CFH: variants seen among roughly 807,000 people sequenced by gnomAD.
The protein encoded by CFH is complement factor H.
Under a neutral mutation model 147.3 loss-of-function variants are expected in CFH, and 53 were observed. That is an observed-to-expected ratio of 0.36 (90% CI 0.29 to 0.45). The LOEUF (loss-of-function observed/expected upper bound fraction) is 0.45, where lower values mean the gene tolerates loss of function less well. Among genes scored for constraint, CFH ranks in the 20% least tolerant of loss-of-function variants. CFH has a pLI of 1.00. For missense variants in CFH, 1,380 were observed against 1,498.0 expected, an observed-to-expected ratio of 0.92 and a Z score of 1.30; for synonymous variants, 536 against 489.4, an observed-to-expected ratio of 1.10 and a Z score of -1.26.
chr1:196,734,908 C>T lies in CFH; in HGVS notation c.2414-1916C>T, dbSNP rs563215494. ...TCTCCCTTCTCTGTGTTTCTTTGTC[C>T]GTTTTCTCTTCTTCACTGATTTTAC... On this transcript the variant is annotated intron_variant, in intron 15 of 21. Transcript: ENST00000367429. Among the ~76,000 whole-genome samples the T allele has an allele frequency of 3.3e-5, 5 of 151,848 alleles. No individual in the cohort carries two copies. In the South Asian group the frequency reaches 1.0e-3, roughly 32 times the overall value.
chr1:196,701,311 T>G (rs765653870), intron 9 of CFH: 6 of 1,613,724 alleles, frequency 3.7e-6, no homozygotes, highest in Non-Finnish European at 5.1e-6. Flanking sequence ...TCTTCAATCT[T>G]TCCCAGGCTT....
At chr1:196,670,822 T>A (rs1667251583) in intron 1 of CFH, among the ~76,000 whole-genome samples, 1 of 152,180 alleles carries the variant, frequency 6.6e-6, no homozygotes, top group Admixed American at 6.5e-5. Context: ...AAATTTTGAT[T>A]TTGTGAGCTG....
intron 1 of CFH, among the ~76,000 whole-genome samples, chr1:196,669,724 C>T (rs1310473522): frequency 6.6e-6 from 1 of 152,204 alleles, no homozygotes; most frequent in Non-Finnish European, 1.5e-5. Flanking sequence ...AGAACCTCTA[C>T]TAGGGCAATG....
At chr1:196,666,804 C>CAAAA (rs10616982) in intron 1 of CFH, among the ~76,000 whole-genome samples, 2 of 84,062 alleles carry the variant, frequency 2.4e-5, no homozygotes, top group African/African-American at 4.6e-5. Context: ...GACTCCGTCT[C>CAAAA]AAAAAAAAAA....
At chr1:196,680,350 G>A (rs1038090784) in intron 6 of CFH, among the ~76,000 whole-genome samples, 3 of 150,554 alleles carry the variant, frequency 2.0e-5, no homozygotes, top group Non-Finnish European at 4.4e-5. Context: ...TCATTATGGA[G>A]GGATGTTACA....
intron 11 of CFH, among the ~76,000 whole-genome samples, chr1:196,722,220 A>T (rs561079019): frequency 6.6e-6 from 1 of 152,062 alleles, no homozygotes; most frequent in Non-Finnish European, 1.5e-5. Context: ...TCCCTGGATC[A>T]TTTCTTGTGG....
intron 9 of CFH, among the ~76,000 whole-genome samples, chr1:196,695,802 C>T (rs1434514730): frequency 6.6e-6 from 1 of 151,928 alleles, no homozygotes; most frequent in Non-Finnish European, 1.5e-5. Context: ...ATTTGGCTTT[C>T]TGTCTATTAC....
intron 6 of CFH, among the ~76,000 whole-genome samples, chr1:196,684,117 G>C (rs1286998138): frequency 6.6e-6 from 1 of 151,888 alleles, no homozygotes; most frequent in Non-Finnish European, 1.5e-5. Flanking sequence ...GAGTGAGAAG[G>C]TGCCTTATAG....
At chr1:196,741,779 G>T in intron 18 of CFH, 96 bp from the exon 19 acceptor site, 1 of 1,143,598 alleles carries the variant, frequency 8.7e-7, no homozygotes. Context: ...AGTATTCATT[G>T]ATTCTATATA....
At chr1:196,686,042 G>C (rs1419760985) in intron 7 of CFH, among the ~76,000 whole-genome samples, 1 of 152,052 alleles carries the variant, frequency 6.6e-6, no homozygotes, top group Non-Finnish European at 1.5e-5. Context: ...TACCATGGCA[G>C]AGCAGGAGAG....
Position 196,741,892 on chromosome 1 carries a change from T to C in CFH, c.2974T>C (p.Leu992=). 6.2e-7 allele frequency: 1 copy of C among 1,614,146 alleles called. No homozygotes were observed. Among genetic ancestry groups the C allele is most frequent in the Non-Finnish European group, 8.5e-7 (1 of 1,180,010 alleles). The change falls in exon 19 of 22, where the codon TTA becomes CTA. Residue 992 remains leucine (L), a synonymous_variant. Coordinates refer to ENST00000367429, the MANE Select transcript of CFH (RefSeq NM_000186.4). ...TATTTCAGAAACAGATTGTCTCAGTTTACCTAGCTTTGAAAATGCCATACC... is the reference window on the plus strand; with the variant it reads ...TATTTCAGAAACAGATTGTCTCAGTCTACCTAGCTTTGAAAATGCCATACC... ...PSCIKTDCLS[L]PSFENAIPMG... is the part of the protein sequence containing the mutation.
chr1:196,668,961 C>A (rs566165212), intron 1 of CFH, among the ~76,000 whole-genome samples: 8 of 152,110 alleles, frequency 5.3e-5, no homozygotes, highest in Non-Finnish European at 1.0e-4. Flanking sequence ...CAAAAGAAGA[C>A]AGGAAGATGT....
chr1:196,693,804 C>T (rs961236643), intron 9 of CFH, among the ~76,000 whole-genome samples: 2 of 152,068 alleles, frequency 1.3e-5, no homozygotes, highest in Admixed American at 6.6e-5. Flanking sequence ...GTATCACGGT[C>T]TGTTAATCCA....
intron 8 of CFH, 121 bp from the exon 9 acceptor site, chr1:196,689,942 A>T: frequency 8.5e-7 from 1 of 1,173,182 alleles, no homozygotes; most frequent in Non-Finnish European, 1.2e-6. Context: ...TCAGTTATAC[A>T]TTATTTTTGG....
rs1558179886 is a variant in CFH, at chr1:196,728,505, C to T, written c.2396C>T (p.Pro799Leu). ...HTVCINGRWD[P>L]EVNCSMAQIQ... is the part of the protein sequence containing the mutation. Reference sequence around the variant, plus strand: ...GTCTGCATAAATGGAAGATGGGATCCAGAAGTGAACTGCTCAAGTAAGCTC... The same window carrying T: ...GTCTGCATAAATGGAAGATGGGATCTAGAAGTGAACTGCTCAAGTAAGCTC... Residue 799 changes from proline (P) to leucine (L), a missense_variant, in exon 15 of 22, where the codon CCA becomes CTA. Pro to Leu is a moderately conservative substitution (Grantham distance 98). Coordinates refer to ENST00000367429, the MANE Select transcript of CFH (RefSeq NM_000186.4). 1 of 1,612,540 alleles carries T rather than the reference C, an allele frequency of 6.2e-7. No homozygotes were observed. The highest frequency in any genetic ancestry group is 8.5e-7 in the Non-Finnish European group (1 of 1,178,984).
In CFH at chr1:196,731,123, T is replaced by C. The variant is rs1288612643; in HGVS notation, c.2413+2601T>C. ...TTATAGTGGTAATTTGTTAATTGTG[T>C]TCTGGTTGTTTTTAAAATTCTTTGT... On this transcript the variant is annotated intron_variant, in intron 15 of 21. Transcript: ENST00000367429. Among the ~76,000 whole-genome samples the C allele has an allele frequency of 2.0e-5, 3 of 151,930 alleles. No homozygotes were observed. The South Asian group carries it at 6.2e-4, about 31-fold the overall frequency.
At chr1:196,716,946 A>G (rs1668884010) in intron 11 of CFH, among the ~76,000 whole-genome samples, 1 of 152,074 alleles carries the variant, frequency 6.6e-6, no homozygotes, top group African/African-American at 2.4e-5. Context: ...ATATCATCAT[A>G]TAAATGATGA....
intron 11 of CFH, among the ~76,000 whole-genome samples, chr1:196,721,662 G>A (rs567038312): frequency 3.3e-5 from 5 of 151,878 alleles, no homozygotes; most frequent in Non-Finnish European, 7.4e-5. Flanking sequence ...GGGTGTGGAG[G>A]TTGCTTGCCC....
intron 1 of CFH, among the ~76,000 whole-genome samples, chr1:196,671,695 T>A (rs1667287104): frequency 6.7e-6 from 1 of 149,554 alleles, no homozygotes; most frequent in Non-Finnish European, 1.5e-5. Context: ...TATATATGTG[T>A]GTACATATAT....
Sources: gnomAD v4.1 joint callset for allele counts (sites outside exome capture counted in the v4.1 genomes callset) on GRCh38, gnomAD v4.1.1 for gene constraint, MANE v1.5 for transcripts, NCBI Gene and HGNC (gene_info 2026-07-23, HGNC 2026-07-21) for gene names.